The following RPGRIP1L variants were observed in gnomAD, a reference collection of about 807,000 sequenced individuals.
RPGRIP1L encodes the protein protein fantom.
A neutral mutation model predicts 160.4 loss-of-function variants in RPGRIP1L; 131 were observed. That is an observed-to-expected ratio of 0.82 (90% CI 0.71 to 0.94). The LOEUF (loss-of-function observed/expected upper bound fraction) is 0.94. Among genes scored for constraint, RPGRIP1L ranks in the 40% least tolerant of loss-of-function variants. The pLI is 0.00. For synonymous variants in RPGRIP1L, 510 were observed against 515.8 expected, an observed-to-expected ratio of 0.99 and a Z score of 0.15; for missense variants, 1,522 against 1,535.8, an observed-to-expected ratio of 0.99 and a Z score of 0.15.
intron 25 of RPGRIP1L, 59 bp downstream of exon 25, chr16:53,610,908 C>A: frequency 7.5e-7 from 1 of 1,326,564 alleles, no homozygotes; most frequent in South Asian, 1.2e-5. Flanking sequence ...TTAACCATGT[C>A]CTGCTACAGA....
intron 10 of RPGRIP1L, among the ~76,000 whole-genome samples, chr16:53,662,986 T>C (rs1967932809): frequency 6.6e-6 from 1 of 152,056 alleles, no homozygotes; most frequent in Non-Finnish European, 1.5e-5. Flanking sequence ...GATTGTGATG[T>C]AGATTTATAT....
intron 6 of RPGRIP1L, among the ~76,000 whole-genome samples, chr16:53,675,392 T>A (rs1047669000): frequency 6.6e-6 from 1 of 152,124 alleles, no homozygotes. Context: ...ACCTCTACAA[T>A]TGATAATATG....
At chr16:53,632,029 T>A (rs1965551299) in intron 22 of RPGRIP1L, among the ~76,000 whole-genome samples, 1 of 152,178 alleles carries the variant, frequency 6.6e-6, no homozygotes, top group Non-Finnish European at 1.5e-5. Flanking sequence ...AGCTCATAAA[T>A]GTTGTAAATG....
intron 16 of RPGRIP1L, 109 bp from the exon 17 acceptor site, chr16:53,646,112 T>A: frequency 1.1e-6 from 1 of 952,278 alleles, no homozygotes; most frequent in Non-Finnish European, 1.6e-6. Flanking sequence ...GCTGCATATT[T>A]TCACTTCATA....
chr16:53,645,479 A>C, intron 17 of RPGRIP1L, 146 bp downstream of exon 17: 1 of 618,926 alleles, frequency 1.6e-6, no homozygotes, highest in Non-Finnish European at 2.6e-6. Context: ...TAAGAAAATA[A>C]TTTTTAAAAT....
intron 26 of RPGRIP1L, among the ~76,000 whole-genome samples, chr16:53,602,775 G>GA (rs398029414): frequency 0.5 from 66,178 of 132,944 alleles, 18,060 homozygotes; most frequent in African/African-American, 0.78. Context: ...ACTCCTCAAA[G>GA]AAAAAAAAAA....
Position 53,658,781 on chromosome 16 carries a change from C to A in RPGRIP1L, c.1341G>T (p.Leu447Phe), listed in dbSNP as rs61743997. ...TAAGGAAATAATTCACCTGGTTGTA[C>A]AATTTTATGCGTTTTTTAAGTTCAT... ...QLDELKKRIKLYNQENDINAD... is the reference protein window; with the variant it reads ...QLDELKKRIKFYNQENDINAD... Residue 447 changes from leucine (L) to phenylalanine (F), a missense_variant, in exon 11 of 27, where the codon TTG becomes TTT. Transcript: ENST00000647211. 9 of 1,591,940 alleles carry A rather than the reference C, an allele frequency of 5.7e-6. No homozygotes were observed. The highest frequency in any genetic ancestry group is 7.7e-6 in the Non-Finnish European group (9 of 1,164,076).
chr16:53,642,806 T>G (rs1598302981), intron 17 of RPGRIP1L, among the ~76,000 whole-genome samples: 2 of 152,092 alleles, frequency 1.3e-5, no homozygotes, highest in Non-Finnish European at 2.9e-5. Flanking sequence ...TGTTGTAGGG[T>G]GCTGACTATA....
At chr16:53,627,855 T>A (rs1045760264) in intron 22 of RPGRIP1L, among the ~76,000 whole-genome samples, 10 of 152,156 alleles carry the variant, frequency 6.6e-5, no homozygotes, top group Admixed American at 2.0e-4. Flanking sequence ...ATAGTACATT[T>A]ATTTACCTGC....
At chr16:53,686,787 T>C (rs1162868007) in intron 5 of RPGRIP1L, among the ~76,000 whole-genome samples, 1 of 152,196 alleles carries the variant, frequency 6.6e-6, no homozygotes, top group African/African-American at 2.4e-5. Flanking sequence ...TTTTATAAGA[T>C]AATGTCCTAG....
At chr16:53,698,563 G>A (rs146577835) in intron 2 of RPGRIP1L, among the ~76,000 whole-genome samples, 11,964 of 138,324 alleles carry the variant, frequency 0.086, 851 homozygotes, top group East Asian at 0.25. Context: ...CCCCCCGCCC[G>A]GCCAGCCGCC....
chr16:53,682,104 G>A (rs377128135), intron 6 of RPGRIP1L, among the ~76,000 whole-genome samples: 69 of 152,022 alleles, frequency 4.5e-4, no homozygotes, highest in African/African-American at 1.7e-3. Flanking sequence ...CTTATTTTAA[G>A]CTATTTCCTC....
In RPGRIP1L at chr16:53,649,125, A is replaced by G; in HGVS notation, c.2153-10T>C. 6.2e-7 allele frequency: 1 copy of G among 1,613,216 alleles called. No individual in the cohort carries two copies. The highest frequency in any genetic ancestry group is 8.5e-7 in the Non-Finnish European group (1 of 1,179,196). On this transcript the variant is annotated splice_polypyrimidine_tract_variant and intron_variant, in intron 15 of 26. Coordinates refer to ENST00000647211, the MANE Select transcript of RPGRIP1L (RefSeq NM_015272.5). The stretch of plus-strand genomic sequence containing the variant: ...ATGTCTCCTTTTGTTCCTACAAATC[A>G]GTACATAACCCAAGGTTAAAATAGT...
intron 17 of RPGRIP1L, among the ~76,000 whole-genome samples, chr16:53,645,095 T>C (rs1195678048): frequency 6.6e-6 from 1 of 152,138 alleles, no homozygotes; most frequent in Non-Finnish European, 1.5e-5. Flanking sequence ...AAGAAACTGA[T>C]ATCAGACAGT....
chr16:53,675,015 AC>A lies in RPGRIP1L; in HGVS notation c.882+1del. The A allele has an allele frequency of 6.4e-7, 1 of 1,565,168 alleles. No individual in the cohort carries two copies. The highest frequency in any genetic ancestry group is 8.8e-7 in the Non-Finnish European group (1 of 1,138,174). On this transcript the variant is annotated splice_donor_variant, in intron 7 of 26. Transcript: ENST00000647211. LOFTEE classifies it high-confidence loss of function. Reference sequence around the variant, plus strand: ...TTGTAATAAAATAAATTATCACTGTACCTCTTGAAGCTGAATAAATTTTCCT... The same window carrying A: ...TTGTAATAAAATAAATTATCACTGTACTCTTGAAGCTGAATAAATTTTCCT...
In RPGRIP1L at chr16:53,664,957, T is replaced by C. The variant is rs137982921; in HGVS notation, c.1156A>G (p.Lys386Glu). 1.2e-3 allele frequency: 1,897 copies of C among 1,613,608 alleles called. 3 individuals are homozygous for C. The highest frequency in any genetic ancestry group is 1.9e-3 in the Admixed American group (115 of 59,988). ...EQWKLKEQQL[K>E]VQIAQLETAL... ...GTCTCGAGCTGAGCAATCTGCACTT[T>C]CAGCTGTTGCTCCTTTAACTTCCAT... The change falls in exon 10 of 27, where the codon AAA becomes GAA. Residue 386 changes from lysine to glutamate, a missense_variant. Coordinates refer to ENST00000647211, the MANE Select transcript of RPGRIP1L (RefSeq NM_015272.5).
At chr16:53,666,536 C>A (rs537341333) in intron 9 of RPGRIP1L, among the ~76,000 whole-genome samples, 2 of 149,806 alleles carry the variant, frequency 1.3e-5, no homozygotes, top group South Asian at 4.2e-4. Context: ...TCAAACACAT[C>A]CACATATATG....
chr16:53,658,383 A>G (rs1274568432), intron 12 of RPGRIP1L, 31 bp downstream of exon 12: 2 of 1,543,666 alleles, frequency 1.3e-6, no homozygotes, highest in Non-Finnish European at 1.8e-6. Context: ...GTATGCAGAC[A>G]TGAAAATCAC....
intron 24 of RPGRIP1L, among the ~76,000 whole-genome samples, chr16:53,612,567 A>G (rs1964121203): frequency 6.6e-6 from 1 of 150,530 alleles, no homozygotes; most frequent in South Asian, 2.1e-4. Context: ...CAGAGTTGTA[A>G]AGCTTTTATG....
Sources: gnomAD v4.1 joint callset for allele counts (sites outside exome capture counted in the v4.1 genomes callset) on GRCh38, gnomAD v4.1.1 for gene constraint, MANE v1.5 for transcripts, NCBI Gene and HGNC (gene_info 2026-07-23, HGNC 2026-07-21) for gene names.